The following AZI2 variants were observed in gnomAD, a reference collection of about 807,000 sequenced individuals.
AZI2 encodes 5-azacytidine induced 2.
In AZI2, 22 loss-of-function variants were observed where a neutral mutation model predicts 45.8. The observed-to-expected ratio is 0.48, with a 90% CI of 0.34 to 0.69. The LOEUF is 0.69. Among genes scored for constraint, AZI2 ranks in the 30% least tolerant of loss-of-function variants. The pLI is 0.01. For synonymous variants in AZI2, 137 were observed against 156.7 expected (o/e 0.87, Z 0.94); for missense variants, 417 against 441.5 (o/e 0.94, Z 0.50).
At chr3:28,344,520 G>C (rs1023986763) in intron 1 of AZI2, among the ~76,000 whole-genome samples, 2 of 152,172 alleles carry the variant, frequency 1.3e-5, no homozygotes, top group Non-Finnish European at 2.9e-5. Context: ...GAGAAGTAAA[G>C]GGAGCTGTGG....
Position 28,322,434 on chromosome 3 carries a change from TAA to T in AZI2, c.*1606_*1607del, listed in dbSNP as rs920422164. 1 of 151,676 alleles carries T rather than the reference TAA, an allele frequency of 6.6e-6. No homozygotes were observed. Among genetic ancestry groups the T allele is most frequent in the Admixed American group, 6.6e-5 (1 of 15,112 alleles). The allele number at this position is 151,676 out of a possible 1,614,324, so 9.4% of individuals were successfully genotyped here. A position where few individuals can be genotyped will look rare whatever the true frequency, so the allele number is the denominator to read the frequency against. On this transcript the variant is annotated 3_prime_UTR_variant, in exon 8 of 8. Transcript: ENST00000479665. ...AAACATTAATCAAGCAATTATCTCA[TAA>T]GACTTTTTTTCTTTACAAAGGAAAA...
intron 6 of AZI2, among the ~76,000 whole-genome samples, chr3:28,329,359 A>C (rs1170394048): frequency 6.6e-6 from 1 of 151,160 alleles, no homozygotes; most frequent in Non-Finnish European, 1.5e-5. Context: ...CTTTTGGAGT[A>C]ACATTTTTGA....
In AZI2 at chr3:28,340,526, C is replaced by T. The variant is rs1703972249; in HGVS notation, c.92G>A (p.Gly31Glu). Residue 31 changes from glycine (G) to glutamate (E), a missense_variant, in exon 2 of 8, where the codon GGA (glycine) becomes GAA (glutamate). Gly to Glu is a moderately conservative substitution (Grantham distance 98, BLOSUM62 -2). Coordinates refer to ENST00000479665, the MANE Select transcript of AZI2 (RefSeq NM_022461.5). ...DTVTPVSIYS[G>E]DESVASHFAL... is the part of the protein sequence containing the mutation. ...AAAATGGGAAGCAACAGATTCATCT[C>T]CTGAATATATTGAAACTGGAGTCAC... 6.2e-7 allele frequency: 1 copy of T among 1,612,832 alleles called. No individual in the cohort carries two copies. Among genetic ancestry groups the T allele is most frequent in the Non-Finnish European group, 8.5e-7 (1 of 1,179,112 alleles).
chr3:28,343,206 G>A (rs181800767), intron 1 of AZI2, among the ~76,000 whole-genome samples: 12 of 152,102 alleles, frequency 7.9e-5, no homozygotes, highest in African/African-American at 2.9e-4. Context: ...GAGAAAAAGT[G>A]GTTTTCAAAG....
intron 5 of AZI2, among the ~76,000 whole-genome samples, chr3:28,333,165 AT>A (rs1242395772): frequency 5.9e-5 from 9 of 151,774 alleles, no homozygotes; most frequent in African/African-American, 2.2e-4. Context: ...ACAAATTTTA[AT>A]TTTATTATTT....
chr3:28,331,567 C>CA (rs1370933505), intron 6 of AZI2: 1 of 961,218 alleles, frequency 1.0e-6, no homozygotes, highest in Non-Finnish European at 1.3e-6. Flanking sequence ...CTCATTTCCT[C>CA]AAATTGTTTT....
In AZI2 at chr3:28,338,572, T is replaced by C. The variant is rs372540158; in HGVS notation, c.260A>G (p.Glu87Gly). ...TGCATGATAGGCCTTATTTACTTGTTCTCGTCCCACGGAACTTGTTTCTTC... is the reference window on the plus strand; with the variant it reads ...TGCATGATAGGCCTTATTTACTTGTCCTCGTCCCACGGAACTTGTTTCTTC... Reference protein sequence around the residue: ...FEEETSSVGREQVNKAYHAYR... With the variant: ...FEEETSSVGRGQVNKAYHAYR... Residue 87 changes from glutamate to glycine, a missense_variant, in exon 3 of 8, where the codon GAA (glutamate) becomes GGA (glycine). Physicochemically the swap from Glu to Gly is moderately conservative, Grantham distance 98 (BLOSUM62 -2). Transcript: ENST00000479665. 56 of 1,610,816 alleles carry C rather than the reference T, an allele frequency of 3.5e-5. No individual in the cohort carries two copies. Among genetic ancestry groups the C allele is most frequent in the Non-Finnish European group, 4.6e-5 (54 of 1,178,306 alleles).
intron 5 of AZI2, 127 bp from the exon 6 acceptor site, chr3:28,332,554 T>C: frequency 3.1e-6 from 2 of 643,728 alleles, no homozygotes; most frequent in Non-Finnish European, 5.2e-6. Flanking sequence ...AAGAATACAA[T>C]TAGATTTTAT....
chr3:28,348,180 T>C (rs1704339140), intron 1 of AZI2: 1 of 152,166 alleles, frequency 6.6e-6, no homozygotes, highest in Admixed American at 6.5e-5. Flanking sequence ...CTCGATCAAG[T>C]GCAGGGGGTC....
chr3:28,326,299 G>T (rs1012677120), intron 7 of AZI2, among the ~76,000 whole-genome samples: 1 of 150,976 alleles, frequency 6.6e-6, no homozygotes, highest in African/African-American at 2.4e-5. Context: ...TTTTTGTTTG[G>T]TTGAAGGGCA....
At chr3:28,337,591 G>A (rs1308413763) in intron 4 of AZI2, among the ~76,000 whole-genome samples, 2 of 152,248 alleles carry the variant, frequency 1.3e-5, no homozygotes, top group East Asian at 1.9e-4. Flanking sequence ...TTAACTGTGG[G>A]CAAGATGTTC....
intron 7 of AZI2, 98 bp downstream of exon 7, chr3:28,326,734 C>G (rs1577120283): frequency 1.0e-6 from 1 of 963,952 alleles, no homozygotes; most frequent in Non-Finnish European, 1.7e-6. Flanking sequence ...TTTGGCTTAT[C>G]AATCTCTCAT....
intron 1 of AZI2, among the ~76,000 whole-genome samples, chr3:28,347,907 GC>G (rs1006825410): frequency 6.6e-6 from 1 of 152,172 alleles, no homozygotes; most frequent in African/African-American, 2.4e-5. Context: ...TACACATAAG[GC>G]GCAAGGGTCA....
intron 5 of AZI2, among the ~76,000 whole-genome samples, chr3:28,333,628 ACTAT>A (rs1421261804): frequency 2.0e-5 from 3 of 151,714 alleles, no homozygotes; most frequent in Non-Finnish European, 2.9e-5. Flanking sequence ...TTTTCCAACT[ACTAT>A]CTAACAATTC....
At position 28,334,057 on chromosome 3, in the gene AZI2, G is replaced by A. The variant is rs1703696289; in HGVS notation, c.589-1630C>T. 2.0e-5 allele frequency among the ~76,000 whole-genome samples: 3 copies of A among 151,240 alleles called. No individual in the cohort carries two copies. The South Asian group carries it at 6.2e-4, about 31-fold the overall frequency. On this transcript the variant is annotated intron_variant, in intron 5 of 7. Coordinates refer to ENST00000479665, the MANE Select transcript of AZI2 (RefSeq NM_022461.5). Reference sequence around the variant, plus strand: ...GCTGGAATATTAGGGGACACAGAAAGTCTAAAAGGCCCATAGTGGAACTGC... The same window carrying A: ...GCTGGAATATTAGGGGACACAGAAAATCTAAAAGGCCCATAGTGGAACTGC...
Position 28,342,134 on chromosome 3 carries a change from A to G in AZI2, c.-5-1512T>C, listed in dbSNP as rs1704040901. Among the ~76,000 whole-genome samples the G allele has an allele frequency of 4.6e-5, 7 of 152,170 alleles. No homozygotes were observed. The South Asian group carries it at 1.4e-3, about 32-fold the overall frequency. On this transcript the variant is annotated intron_variant, in intron 1 of 7. Transcript: ENST00000479665. ...TTTGTGTTTTTCTGGGTCTGGTCTTATATCATTATATTTTTGCTTTTCTAA... is the reference window on the plus strand; with the variant it reads ...TTTGTGTTTTTCTGGGTCTGGTCTTGTATCATTATATTTTTGCTTTTCTAA...
At chr3:28,332,008 C>A in intron 6 of AZI2, 1 of 1,095,214 alleles carries the variant, frequency 9.1e-7, no homozygotes, top group Non-Finnish European at 1.3e-6. Context: ...CAAAGACTAA[C>A]AATGGCCAAG....
In AZI2 at chr3:28,322,806, G is replaced by A. The variant is rs1703227773; in HGVS notation, c.*1236C>T. The A allele has an allele frequency of 6.6e-6, 1 of 151,334 alleles. No homozygotes were observed. Among genetic ancestry groups the A allele is most frequent in the Non-Finnish European group, 1.5e-5 (1 of 67,364 alleles). The allele number at this position is 151,334 out of a possible 1,614,324, so 9.4% of individuals were successfully genotyped here. The stretch of plus-strand genomic sequence containing the variant: ...TGGCGAACATTGTCTATGTATGTAT[G>A]CTATTCAGTAATACAGTAGAAGAGA... On this transcript the variant is annotated 3_prime_UTR_variant, in exon 8 of 8. Coordinates refer to ENST00000479665, the MANE Select transcript of AZI2 (RefSeq NM_022461.5).
In AZI2 at chr3:28,324,317, G is replaced by A. The variant is rs749360849; in HGVS notation, c.904C>T (p.Pro302Ser). Reference sequence around the variant, plus strand: ...AAAACCTTTACATCTCCTGGTAAAGGGGAAGATGTGGTATGACAAAGAGCT... The same window carrying A: ...AAAACCTTTACATCTCCTGGTAAAGAGGAAGATGTGGTATGACAAAGAGCT... The part of the protein sequence containing the change: ...GKALCHTTSS[P>S]LPGDVKVLSE... The change falls in exon 8 of 8, where the codon CCT becomes TCT. Residue 302 changes from proline to serine, a missense_variant. By Grantham distance (74) the Pro-to-Ser change is moderately conservative. Transcript: ENST00000479665. The A allele has an allele frequency of 2.5e-6, 4 of 1,606,434 alleles. No homozygotes were observed. Among genetic ancestry groups the A allele is most frequent in the Non-Finnish European group, 2.6e-6 (3 of 1,175,254 alleles).
Sources: allele counts gnomAD v4.1 joint callset (sites outside exome capture counted in the v4.1 genomes callset), GRCh38; gene constraint gnomAD v4.1.1; transcripts MANE v1.5; gene names NCBI Gene and HGNC (gene_info 2026-07-23, HGNC 2026-07-21).